NEK1: variants seen among roughly 807,000 people sequenced by gnomAD.
NEK1 encodes serine/threonine-protein kinase Nek1.
A neutral mutation model predicts 182.1 loss-of-function variants in NEK1; 137 were observed. The observed-to-expected ratio is 0.75, with a 90% CI of 0.65 to 0.87. The LOEUF (loss-of-function observed/expected upper bound fraction) is 0.87, where lower values mean the gene tolerates loss of function less well. NEK1 is among the 40% of genes least tolerant of loss of function. The probability of loss-of-function intolerance (pLI) is 0.00; values close to 1 mark genes in which losing one functional copy is unlikely to be tolerated. For missense variants in NEK1, 1,391 were observed against 1,494.4 expected, an observed-to-expected ratio of 0.93 and a Z score of 1.14; for synonymous variants, 513 against 492.2, an observed-to-expected ratio of 1.04 and a Z score of -0.56.
chr4:169,531,985 T>C (rs1469954208), intron 19 of NEK1, among the ~76,000 whole-genome samples: 1 of 152,134 alleles, frequency 6.6e-6, no homozygotes, highest in Non-Finnish European at 1.5e-5. Flanking sequence ...AACACTCCAG[T>C]CACAAGAAAA....
intron 32 of NEK1, among the ~76,000 whole-genome samples, chr4:169,404,293 G>T (rs1732207269): frequency 6.6e-6 from 1 of 152,022 alleles, no homozygotes; most frequent in Non-Finnish European, 1.5e-5. Context: ...AAGTAAAAAG[G>T]TAACTTTTCT....
Position 169,537,911 on chromosome 4 carries a change from C to A in NEK1, c.1563G>T (p.Arg521Ser). 1.9e-6 allele frequency: 3 copies of A among 1,594,924 alleles called. No homozygotes were observed. Among genetic ancestry groups the A allele is most frequent in the South Asian group, 1.1e-5 (1 of 87,388 alleles). Residue 521 changes from arginine to serine, a missense_variant and splice_region_variant, in exon 19 of 36, where the codon AGG (arginine) becomes AGT (serine). Coordinates refer to ENST00000507142, the MANE Select transcript of NEK1 (RefSeq NM_001199397.3). ...KAVSKQANAN[R>S]QKGQLAVERA... is the part of the protein sequence containing the mutation. ...TTTCTACAGCTAGCTGCCCTTTTTG[C>A]CTAATTTGGACAAATCACAAAGTCA...
chr4:169,483,616 C>T (rs950990969), intron 23 of NEK1, among the ~76,000 whole-genome samples: 1 of 152,058 alleles, frequency 6.6e-6, no homozygotes, highest in African/African-American at 2.4e-5. Context: ...CCTGTAATCC[C>T]AGCACTTTGG....
chr4:169,606,293 G>A (rs112125041), intron 2 of NEK1, among the ~76,000 whole-genome samples: 2 of 149,254 alleles, frequency 1.3e-5, no homozygotes, highest in African/African-American at 5.0e-5. Flanking sequence ...TCTACTACTT[G>A]TCCAAACCTG....
chr4:169,494,416 A>C (rs1166578904), intron 23 of NEK1, among the ~76,000 whole-genome samples: 1 of 152,188 alleles, frequency 6.6e-6, no homozygotes, highest in East Asian at 1.9e-4. Context: ...GCCCCTACAA[A>C]GGACATGAAC....
At chr4:169,490,619 T>C (rs920711510) in intron 23 of NEK1, among the ~76,000 whole-genome samples, 27 of 151,822 alleles carry the variant, frequency 1.8e-4, no homozygotes, top group African/African-American at 6.3e-4. Context: ...TCAATAAAGA[T>C]ATACATAACA....
At chr4:169,406,160 A>AGACTACTGGGTTCAAG (rs70961599) in intron 32 of NEK1, among the ~76,000 whole-genome samples, 54,542 of 151,862 alleles carry the variant, frequency 0.36, 10,307 homozygotes, top group South Asian at 0.46. Context: ...GGCTGGTCTC[A>AGACTACTGGGTTCAAG]CATTCCTCCT....
chr4:169,514,893 T>C (rs993562128), intron 19 of NEK1, among the ~76,000 whole-genome samples: 1 of 152,136 alleles, frequency 6.6e-6, no homozygotes, highest in Non-Finnish European at 1.5e-5. Context: ...GGGAATATTT[T>C]GCTCTTTTTT....
At chr4:169,608,835 G>A (rs1285393504) in intron 2 of NEK1, among the ~76,000 whole-genome samples, 1 of 152,092 alleles carries the variant, frequency 6.6e-6, no homozygotes, top group African/African-American at 2.4e-5. Flanking sequence ...GAGGCAGGCG[G>A]ATCACTTGAG....
At chr4:169,465,332 G>A (rs977218005) in intron 26 of NEK1, among the ~76,000 whole-genome samples, 1 of 152,024 alleles carries the variant, frequency 6.6e-6, no homozygotes, top group African/African-American at 2.4e-5. Flanking sequence ...CCCCACCACT[G>A]GAATTTAACC....
At chr4:169,522,814 A>G (rs1289854079) in intron 19 of NEK1, among the ~76,000 whole-genome samples, 2 of 152,132 alleles carry the variant, frequency 1.3e-5, no homozygotes, top group African/African-American at 2.4e-5. Context: ...GAGGTTCCCT[A>G]TCTTTGTTGG....
intron 23 of NEK1, among the ~76,000 whole-genome samples, chr4:169,495,291 TG>T (rs1750999205): frequency 7.0e-6 from 1 of 143,418 alleles, no homozygotes; most frequent in African/African-American, 2.5e-5. Context: ...TCGCCCAGGC[TG>T]GAGTGCAGTG....
At position 169,493,156 on chromosome 4, in the gene NEK1, G is replaced by A. The variant is rs552620514; in HGVS notation, c.2008-13622C>T. Among the ~76,000 whole-genome samples the A allele has an allele frequency of 4.6e-5, 7 of 152,222 alleles. No individual in the cohort carries two copies. The South Asian group carries it at 8.3e-4, about 18-fold the overall frequency. On this transcript the variant is annotated intron_variant, in intron 23 of 35. Coordinates refer to ENST00000507142, the MANE Select transcript of NEK1 (RefSeq NM_001199397.3). ...AAAAACTACAAAAAACAGCATCTGA[G>A]AAAGCCACCACACAAACCTACCTGC... is the stretch of plus-strand genomic sequence containing the variant.
intron 5 of NEK1, among the ~76,000 whole-genome samples, chr4:169,596,135 G>A (rs755200774): frequency 2.0e-5 from 3 of 152,088 alleles, no homozygotes; most frequent in Non-Finnish European, 4.4e-5. Context: ...ATTTGGTAGA[G>A]AATGTATCGG....
chr4:169,464,345 T>C (rs922611254), intron 26 of NEK1, among the ~76,000 whole-genome samples: 1 of 152,150 alleles, frequency 6.6e-6, no homozygotes, highest in South Asian at 2.1e-4. Context: ...CTATGCTGTC[T>C]TTCATTTTAT....
intron 26 of NEK1, among the ~76,000 whole-genome samples, chr4:169,470,997 C>T (rs1457406882): frequency 1.3e-5 from 2 of 152,268 alleles, no homozygotes; most frequent in East Asian, 3.9e-4. Context: ...GTTCTCATAA[C>T]TGGTTATTCT....
intron 31 of NEK1, among the ~76,000 whole-genome samples, chr4:169,421,535 G>A (rs1735489614): frequency 6.6e-6 from 1 of 152,230 alleles, no homozygotes; most frequent in South Asian, 2.1e-4. Flanking sequence ...CTATTCTTGT[G>A]ATGGTGAGTG....
intron 18 of NEK1, among the ~76,000 whole-genome samples, chr4:169,550,224 GCT>G (rs1034722078): frequency 3.4e-5 from 5 of 148,758 alleles, no homozygotes; most frequent in Middle Eastern, 3.4e-3. Context: ...CCCTACACAT[GCT>G]CTCTCTCTTG....
intron 20 of NEK1, 60 bp downstream of exon 20, chr4:169,508,709 G>T (rs1753713241): frequency 4.0e-6 from 5 of 1,264,070 alleles, no homozygotes; most frequent in Middle Eastern, 3.7e-4. Flanking sequence ...TGCAAGAAAA[G>T]AAGGCAATAA....
Sources: allele counts gnomAD v4.1 joint callset (sites outside exome capture counted in the v4.1 genomes callset), GRCh38; gene constraint gnomAD v4.1.1; transcripts MANE v1.5; gene names NCBI Gene and HGNC (gene_info 2026-07-23, HGNC 2026-07-21).